Variants in VPS45 observed in about 807,000 individuals in gnomAD.
VPS45 encodes the protein vacuolar protein sorting 45 homolog, also known as vacuolar protein sorting-associated protein 45.
VPS45 carries 35 observed loss-of-function variants against 75.9 expected under a neutral mutation model. The ratio of observed to expected loss-of-function variants is 0.46; its 90% CI spans 0.35 to 0.61. The LOEUF (loss-of-function observed/expected upper bound fraction) is 0.61. Ranked by LOEUF, VPS45 falls within the 20% of genes least tolerant of loss-of-function variation. The probability of loss-of-function intolerance (pLI) is 0.00; values close to 1 mark genes in which losing one functional copy is unlikely to be tolerated. For missense variants in VPS45, 559 were observed against 685.9 expected (o/e 0.81, Z 2.07); for synonymous variants, 220 against 238.2 (o/e 0.92, Z 0.70).
At chr1:150,118,620 G>A (rs111443519) in intron 14 of VPS45, among the ~76,000 whole-genome samples, 18,543 of 152,074 alleles carry the variant, frequency 0.12, 1,334 homozygotes, top group Non-Finnish European at 0.17. Flanking sequence ...TGGCCAGGCT[G>A]GTCTCGAACT....
chr1:150,114,318 G>A (rs7411583), intron 14 of VPS45, among the ~76,000 whole-genome samples: 3,265 of 151,452 alleles, frequency 0.022, 95 homozygotes, highest in African/African-American at 0.074. Flanking sequence ...CCTGAAAAAT[G>A]CAACAATTAG....
chr1:150,101,429 G>A (rs1157516009), intron 13 of VPS45, among the ~76,000 whole-genome samples: 2 of 152,016 alleles, frequency 1.3e-5, no homozygotes, highest in African/African-American at 4.8e-5. Flanking sequence ...AGTCAGAATG[G>A]CTATTACTAA....
At chr1:150,127,267 G>T (rs931471563) in intron 14 of VPS45, among the ~76,000 whole-genome samples, 1 of 151,656 alleles carries the variant, frequency 6.6e-6, no homozygotes, top group African/African-American at 2.4e-5. Context: ...TTTGTGACTT[G>T]CACTGCTTTA....
intron 2 of VPS45, among the ~76,000 whole-genome samples, chr1:150,069,854 C>T (rs587610712): frequency 6.9e-4 from 105 of 152,284 alleles, no homozygotes; most frequent in African/African-American, 2.5e-3. Context: ...GATCATGACA[C>T]TCCTGCTTGA....
intron 14 of VPS45, among the ~76,000 whole-genome samples, chr1:150,142,153 T>C (rs2101666688): frequency 6.6e-6 from 1 of 152,172 alleles, no homozygotes; most frequent in African/African-American, 2.4e-5. Flanking sequence ...ATAGTAAGTG[T>C]GTTCTCATTA....
rs11205330 is a variant in VPS45, at chr1:150,126,926, T to A, written c.1625+16299T>A. On this transcript the variant is annotated intron_variant, in intron 14 of 14. Transcript: ENST00000644510. ...CAAATGTTCAGAAAGATAAAAAAGA[T>A]AATTTAAAATGGAATAGTTTCTCAC... Among the ~76,000 whole-genome samples, 580 of 152,300 alleles carry A rather than the reference T, an allele frequency of 3.8e-3. 5 individuals carry two copies. The highest frequency in any genetic ancestry group is 0.013 in the African/African-American group (557 of 41,566).
intron 13 of VPS45, among the ~76,000 whole-genome samples, chr1:150,098,086 C>T (rs1466249033): frequency 6.6e-6 from 1 of 152,120 alleles, no homozygotes; most frequent in Non-Finnish European, 1.5e-5. Flanking sequence ...TGAGCTCAAG[C>T]AATCTGCCTG....
At chr1:150,079,882 A>C (rs1159545706) in intron 7 of VPS45, among the ~76,000 whole-genome samples, 7 of 152,216 alleles carry the variant, frequency 4.6e-5, no homozygotes, top group African/African-American at 1.4e-4. Context: ...ACTTTTGATA[A>C]TATCAAAAAG....
Position 150,098,190 on chromosome 1 carries a change from T to C in VPS45, c.1493+4542T>C, listed in dbSNP as rs116512365. Reference sequence around the variant, plus strand: ...GAAAGAATAATCAAGAAGTTGTTAATAGTCGTTACCTCTGGATATTGAGAC... The same window carrying C: ...GAAAGAATAATCAAGAAGTTGTTAACAGTCGTTACCTCTGGATATTGAGAC... On this transcript the variant is annotated intron_variant, in intron 13 of 14. Transcript: ENST00000644510. Among the ~76,000 whole-genome samples the C allele has an allele frequency of 7.0e-3, 1,068 of 152,348 alleles. 8 individuals carry two copies. The highest frequency in any genetic ancestry group is 0.034 in the Middle Eastern group (10 of 294).
chr1:150,075,146 T>TTC (rs1268498202), intron 3 of VPS45, among the ~76,000 whole-genome samples: 2 of 148,566 alleles, frequency 1.3e-5, no homozygotes, highest in African/African-American at 2.5e-5. Context: ...GTCTTTTTTT[T>TTC]TTTTTTTTTT....
intron 14 of VPS45, among the ~76,000 whole-genome samples, chr1:150,142,465 A>G (rs1475250968): frequency 2.0e-5 from 3 of 152,076 alleles, no homozygotes; most frequent in Non-Finnish European, 4.4e-5. Context: ...CTTAGCTTCT[A>G]CTCCTTTCCC....
chr1:150,120,864 CTTTTTTTTTTT>C (rs370159689), intron 14 of VPS45, among the ~76,000 whole-genome samples: 1 of 86,062 alleles, frequency 1.2e-5, no homozygotes, highest in African/African-American at 4.0e-5. Flanking sequence ...TAGCAACATT[CTTTTTTTTTTT>C]TTTTTTTTTT....
chr1:150,084,254 C>T (rs1194881327), intron 10 of VPS45, among the ~76,000 whole-genome samples: 1 of 152,076 alleles, frequency 6.6e-6, no homozygotes, highest in Non-Finnish European at 1.5e-5. Context: ...GAATTTATAC[C>T]TGCTGAGATA....
intron 14 of VPS45, among the ~76,000 whole-genome samples, chr1:150,142,198 G>A (rs1659424313): frequency 1.3e-5 from 2 of 152,022 alleles, no homozygotes; most frequent in African/African-American, 2.4e-5. Context: ...GATATACAGA[G>A]GAGGATCTTT....
intron 14 of VPS45, among the ~76,000 whole-genome samples, chr1:150,143,845 G>C (rs1553815973): frequency 6.6e-6 from 1 of 152,172 alleles, no homozygotes; most frequent in Non-Finnish European, 1.5e-5. Context: ...ACCTTGGCAA[G>C]TCACTTAACC....
At chr1:150,068,787 A>G (rs1571805316) in intron 2 of VPS45, 23 bp downstream of exon 2, 16 of 1,582,902 alleles carry the variant, frequency 1.0e-5, no homozygotes, top group Non-Finnish European at 1.3e-5. Context: ...CTGAGCTTCC[A>G]TCTGCCCAGG....
chr1:150,121,148 C>T (rs961864162), intron 14 of VPS45, among the ~76,000 whole-genome samples: 1 of 151,944 alleles, frequency 6.6e-6, no homozygotes, highest in Admixed American at 6.6e-5. Flanking sequence ...AGCCACCATG[C>T]CCTGCCCTCC....
In VPS45 at chr1:150,076,924, T is replaced by C. The variant is rs782457677; in HGVS notation, c.378T>C (p.Tyr126=). The C allele has an allele frequency of 5.6e-6, 9 of 1,614,116 alleles. No individual in the cohort carries two copies. The South Asian group carries it at 8.8e-5, about 16-fold the overall frequency. The change falls in exon 5 of 15, where the codon TAT becomes TAC. Residue 126 remains tyrosine (Y), a synonymous_variant. Coordinates refer to ENST00000644510, the MANE Select transcript of VPS45 (RefSeq NM_007259.5). ...TGGTGCTTTATTTGCAGGAATTTTA[T>C]GGTGATTACATTGCTGTGAACCCAC... ...QEVVAEVQEF[Y]GDYIAVNPHL...
intron 14 of VPS45, among the ~76,000 whole-genome samples, chr1:150,138,265 A>AT (rs1285516096): frequency 1.3e-5 from 2 of 152,134 alleles, no homozygotes; most frequent in East Asian, 1.9e-4. Context: ...TCCCTTACTT[A>AT]TTTTTTAAAA....
Sources: gnomAD v4.1 joint callset for allele counts (sites outside exome capture counted in the v4.1 genomes callset) on GRCh38, gnomAD v4.1.1 for gene constraint, MANE v1.5 for transcripts, NCBI Gene and HGNC (gene_info 2026-07-23, HGNC 2026-07-21) for gene names.